Variants in COPG2 observed in about 807,000 individuals in gnomAD.
COPG2 encodes coat protein complex I subunit gamma 2.
A neutral mutation model predicts 46.3 loss-of-function variants in COPG2; 37 were observed. The observed-to-expected ratio is 0.80, with a 90% CI of 0.61 to 1.05. The LOEUF is 1.05. Ranked by LOEUF, COPG2 falls within the 50% of genes least tolerant of loss-of-function variation. COPG2 has a pLI of 0.00. For synonymous variants in COPG2, 159 were observed against 129.7 expected (o/e 1.23, Z -1.53); for missense variants, 427 against 387.8 (o/e 1.10, Z -0.85).
chr7:130,665,186 T>C (rs988982622), intron 3 of COPG2, among the ~76,000 whole-genome samples: 2 of 151,686 alleles, frequency 1.3e-5, no homozygotes, highest in East Asian at 1.9e-4. Context: ...TCTCAAAAAA[T>C]AAAAAAAATC....
intron 9 of COPG2, among the ~76,000 whole-genome samples, chr7:130,595,315 C>G (rs1183752909): frequency 6.6e-6 from 1 of 152,006 alleles, no homozygotes; most frequent in African/African-American, 2.4e-5. Context: ...CAGGCAAATC[C>G]AGAGACAAAA....
intron 16 of COPG2, among the ~76,000 whole-genome samples, chr7:130,550,995 A>C (rs1473397241): frequency 1.3e-5 from 2 of 152,190 alleles, no homozygotes; most frequent in Admixed American, 1.3e-4. Context: ...GAGAACCAGG[A>C]ATAAGTGAGC....
At chr7:130,572,713 G>A (rs1793930793) in intron 9 of COPG2, among the ~76,000 whole-genome samples, 1 of 151,910 alleles carries the variant, frequency 6.6e-6, no homozygotes, top group Non-Finnish European at 1.5e-5. Context: ...CTCAACTAAA[G>A]CAATGCTTGG....
chr7:130,652,918 T>C lies in COPG2; in HGVS notation c.274A>G (p.Ile92Val), dbSNP rs374487044. The C allele has an allele frequency of 2.3e-5, 37 of 1,606,682 alleles. No homozygotes were observed. Among genetic ancestry groups the C allele is most frequent in the South Asian group, 1.0e-4 (9 of 89,610 alleles). ...TCAGAGATGGTAGCCATTTCTTTGA[T>C]GGTAAGGTAGCACATTCTCCTCAAT... Reference protein sequence around the residue: ...QTLRRMCYLTIKEMATISEDV... With the variant: ...QTLRRMCYLTVKEMATISEDV... The change falls in exon 5 of 24, where the codon ATC (isoleucine) becomes GTC (valine). Residue 92 changes from isoleucine (I) to valine (V), a missense_variant. Ile to Val is a conservative substitution (Grantham distance 29). Transcript: ENST00000425248.
chr7:130,663,155 G>T, intron 3 of COPG2, 117 bp from the exon 4 acceptor site: 1 of 589,484 alleles, frequency 1.7e-6, no homozygotes, highest in Non-Finnish European at 2.9e-6. Context: ...CAAGAAAAAA[G>T]AATCTCTTTG....
rs146509898 is a variant in COPG2, at chr7:130,574,177, A to C, written c.738-9784T>G. Among the ~76,000 whole-genome samples, 750 of 152,338 alleles carry C rather than the reference A, an allele frequency of 4.9e-3. 8 individuals carry two copies. Among genetic ancestry groups the C allele is most frequent in the African/African-American group, 0.017 (724 of 41,580 alleles). Reference sequence around the variant, plus strand: ...AAATTTGGTCTAGCCGTACCATGGAAGAGTATTCAGTCATAAAAAGGAATG... The same window carrying C: ...AAATTTGGTCTAGCCGTACCATGGACGAGTATTCAGTCATAAAAAGGAATG... On this transcript the variant is annotated intron_variant, in intron 9 of 23. Coordinates refer to ENST00000425248, the MANE Select transcript of COPG2 (RefSeq NM_012133.6).
At chr7:130,607,222 C>A (rs1794750006) in intron 9 of COPG2, among the ~76,000 whole-genome samples, 1 of 150,310 alleles carries the variant, frequency 6.7e-6, no homozygotes, top group South Asian at 2.1e-4. Context: ...GGCTTCACAA[C>A]AGAGTGAGAG....
chr7:130,564,679 A>C (rs1044758793), intron 9 of COPG2, among the ~76,000 whole-genome samples: 1 of 152,118 alleles, frequency 6.6e-6, no homozygotes, highest in Non-Finnish European at 1.5e-5. Context: ...GTTTTAACCT[A>C]CTCATTCTCA....
chr7:130,544,904 T>C (rs886419723), intron 20 of COPG2, among the ~76,000 whole-genome samples: 1 of 152,150 alleles, frequency 6.6e-6, no homozygotes, highest in African/African-American at 2.4e-5. Context: ...GTTATGGTAA[T>C]ATATTGATGT....
chr7:130,558,995 G>A (rs1326106955), intron 12 of COPG2, among the ~76,000 whole-genome samples: 1 of 151,674 alleles, frequency 6.6e-6, no homozygotes, highest in East Asian at 1.9e-4. Flanking sequence ...AAATTTGAAG[G>A]GAATATAATT....
At chr7:130,592,837 A>G (rs1469441871) in intron 9 of COPG2, among the ~76,000 whole-genome samples, 1 of 152,254 alleles carries the variant, frequency 6.6e-6, no homozygotes, top group Middle Eastern at 3.2e-3. Flanking sequence ...GCTTACACCA[A>G]AACTATGCCA....
chr7:130,639,874 G>A (rs1795428576), intron 5 of COPG2, among the ~76,000 whole-genome samples: 1 of 152,018 alleles, frequency 6.6e-6, no homozygotes, highest in South Asian at 2.1e-4. Flanking sequence ...TCAGCTCCCT[G>A]TACTATGCAA....
chr7:130,507,707 G>C lies in COPG2; in HGVS notation c.2364C>G (p.Leu788=). 1 of 780,360 alleles carries C rather than the reference G, an allele frequency of 1.3e-6. No homozygotes were observed. Among genetic ancestry groups the C allele is most frequent in the Non-Finnish European group, 2.4e-6 (1 of 417,834 alleles). The allele number at this position is 780,360 out of a possible 1,614,324, so 48.3% of individuals were successfully genotyped here. A position where few individuals can be genotyped will look rare whatever the true frequency, so the allele number is the denominator to read the frequency against. ...CACCTTCAAGGGTTTTGGTAGAACT[G>C]AGGGCAAAGGTTTCCTCTTTCTCAA... ...DTFEKEETFA[L]SSTKTLEEAV... is the part of the protein sequence containing the mutation. The change falls in exon 22 of 24, where the codon CTC becomes CTG. Residue 788 remains leucine (L), a synonymous_variant. Coordinates refer to ENST00000425248, the MANE Select transcript of COPG2 (RefSeq NM_012133.6).
chr7:130,567,102 A>G (rs1793816764), intron 9 of COPG2, among the ~76,000 whole-genome samples: 1 of 152,240 alleles, frequency 6.6e-6, no homozygotes, highest in African/African-American at 2.4e-5. Flanking sequence ...AGCAACATCG[A>G]TAGAGCTGGA....
chr7:130,550,322 AC>A (rs1793517179), intron 17 of COPG2, among the ~76,000 whole-genome samples: 2 of 145,178 alleles, frequency 1.4e-5, no homozygotes, highest in Non-Finnish European at 3.0e-5. Context: ...GAGGAAGGAG[AC>A]TCGCTTGAAC....
chr7:130,555,243 T>C (rs1483952900), intron 12 of COPG2, 111 bp from the exon 13 acceptor site: 1 of 385,132 alleles, frequency 2.6e-6, no homozygotes, highest in African/African-American at 2.1e-5. Flanking sequence ...TAAACATACT[T>C]TCCTACTTAC....
At chr7:130,534,565 C>G (rs1400196234) in intron 20 of COPG2, among the ~76,000 whole-genome samples, 2 of 151,944 alleles carry the variant, frequency 1.3e-5, no homozygotes, top group Non-Finnish European at 2.9e-5. Flanking sequence ...AAAAGTAGGT[C>G]GGTAGCAAAT....
At chr7:130,553,206 T>C (rs1793560657) in intron 14 of COPG2, among the ~76,000 whole-genome samples, 1 of 152,052 alleles carries the variant, frequency 6.6e-6, no homozygotes, top group Non-Finnish European at 1.5e-5. Context: ...AAAGGACCCA[T>C]GTTGGAGAGC....
chr7:130,520,031 A>G (rs1255302793), intron 20 of COPG2, among the ~76,000 whole-genome samples: 1 of 152,232 alleles, frequency 6.6e-6, no homozygotes, highest in African/African-American at 2.4e-5. Context: ...CCTTAAAAAC[A>G]TGAGGATTGA....
Sources: gnomAD v4.1 joint callset for allele counts (sites outside exome capture counted in the v4.1 genomes callset) on GRCh38, gnomAD v4.1.1 for gene constraint, MANE v1.5 for transcripts, NCBI Gene and HGNC (gene_info 2026-07-23, HGNC 2026-07-21) for gene names.